Variants in BDKRB1 observed in about 807,000 individuals in gnomAD.
BDKRB1 encodes bradykinin receptor B1, also known as B1 bradykinin receptor.
For synonymous variants in BDKRB1, 192 were observed against 189.1 expected (o/e 1.02, Z -0.13); for missense variants, 414 against 441.4 (o/e 0.94, Z 0.56).
In BDKRB1 at chr14:96,263,844, G is replaced by A. The variant is rs1477568129; in HGVS notation, c.162G>A (p.Gly54=). The A allele has an allele frequency of 3.1e-6, 5 of 1,614,040 alleles. No individual in the cohort carries two copies. The highest frequency in any genetic ancestry group is 3.3e-5 in the Admixed American group (2 of 60,002). The change falls in exon 3 of 3, where the codon GGG becomes GGA. Residue 54 remains glycine (G), a synonymous_variant. Coordinates refer to ENST00000216629, the MANE Select transcript of BDKRB1 (RefSeq NM_000710.4). ...CCATCTGTTTCTTCGGCCTCCTAGG[G>A]AACCTTTTTGTCCTGTTGGTCTTCC... ...IISICFFGLL[G]NLFVLLVFLL...
At chr14:96,262,606 CTTTTT>C (rs34474132) in intron 1 of BDKRB1, 41 bp from the exon 2 acceptor site, 341 of 310,614 alleles carry the variant, frequency 1.1e-3, no homozygotes, top group Middle Eastern at 2.1e-3. Context: ...TCTCTCTCTC[CTTTTT>C]TTTTTTTTTT....
intron 1 of BDKRB1, 140 bp from the exon 2 acceptor site, chr14:96,262,512 C>A (rs755267033): frequency 1.6e-5 from 6 of 364,398 alleles, no homozygotes; most frequent in Admixed American, 3.7e-5. Context: ...GCCTGGAACA[C>A]AGACCATTAA....
chr14:96,264,231 T>C lies in BDKRB1; in HGVS notation c.549T>C (p.Asp183=). The stretch of plus-strand genomic sequence containing the variant: ...TGCGATCCATCCAAGCCGTCCCAGA[T>C]CTGAACATCACCGCCTGCATCCTGC... The part of the protein sequence containing the change: ...FLLRSIQAVP[D]LNITACILLL... Residue 183 remains aspartate, a synonymous_variant, in exon 3 of 3, where the codon GAT becomes GAC. Transcript: ENST00000216629. The C allele has an allele frequency of 6.2e-7, 1 of 1,614,170 alleles. No homozygotes were observed. Among genetic ancestry groups the C allele is most frequent in the Non-Finnish European group, 8.5e-7 (1 of 1,180,008 alleles).
intron 1 of BDKRB1, among the ~76,000 whole-genome samples, chr14:96,260,461 A>G (rs948848782): frequency 2.6e-5 from 4 of 152,246 alleles, no homozygotes; most frequent in Admixed American, 2.6e-4. Flanking sequence ...CTGCTCATCA[A>G]CAACTTCCTT....
At chr14:96,259,551 A>G (rs759806514) in intron 1 of BDKRB1, 1 of 152,578 alleles carries the variant, frequency 6.6e-6, no homozygotes, top group Non-Finnish European at 1.5e-5. Flanking sequence ...ATTTAGTAGG[A>G]ATATTATTGT....
chr14:96,260,738 GA>G (rs1885730199), intron 1 of BDKRB1, among the ~76,000 whole-genome samples: 1 of 152,050 alleles, frequency 6.6e-6, no homozygotes, highest in South Asian at 2.1e-4. Flanking sequence ...GTCTCCTGTT[GA>G]TCTGTCAACC....
chr14:96,257,435 A>G (rs1885641770), intron 1 of BDKRB1, among the ~76,000 whole-genome samples: 1 of 152,224 alleles, frequency 6.6e-6, no homozygotes, highest in Non-Finnish European at 1.5e-5. Flanking sequence ...AAGTCAAGAT[A>G]TTGGCTTGGC....
chr14:96,261,086 C>T (rs2139814120), intron 1 of BDKRB1, among the ~76,000 whole-genome samples: 1 of 152,230 alleles, frequency 6.6e-6, no homozygotes, highest in Middle Eastern at 3.4e-3. Context: ...TTGGCATTGT[C>T]CGATTTCTCC....
intron 2 of BDKRB1, 51 bp from the exon 3 acceptor site, chr14:96,263,622 T>G (rs1885808023): frequency 6.6e-7 from 1 of 1,518,974 alleles, no homozygotes; most frequent in African/African-American, 1.4e-5. Flanking sequence ...GTTTGGCTCA[T>G]AGGCTGTAGT....
At chr14:96,261,858 CG>C (rs1463372037) in intron 1 of BDKRB1, among the ~76,000 whole-genome samples, 1 of 152,202 alleles carries the variant, frequency 6.6e-6, no homozygotes. Context: ...TGGCTGTGGC[CG>C]GTTTTGCCAG....
chr14:96,264,279 C>T lies in BDKRB1; in HGVS notation c.597C>T (p.His199=). The change falls in exon 3 of 3, where the codon CAC becomes CAT. Residue 199 remains histidine, a synonymous_variant. Coordinates refer to ENST00000216629, the MANE Select transcript of BDKRB1 (RefSeq NM_000710.4). ...CILLLPHEAW[H]FARIVELNIL... is the part of the protein sequence containing the mutation. ...TGCTCCTCCCCCATGAGGCCTGGCA[C>T]TTTGCAAGGATTGTGGAGTTAAATA... 6.2e-7 allele frequency: 1 copy of T among 1,614,214 alleles called. No individual in the cohort carries two copies. Among genetic ancestry groups the T allele is most frequent in the Non-Finnish European group, 8.5e-7 (1 of 1,180,040 alleles).
intron 1 of BDKRB1, among the ~76,000 whole-genome samples, chr14:96,257,055 C>G (rs1343609523): frequency 6.6e-6 from 1 of 152,214 alleles, no homozygotes; most frequent in Non-Finnish European, 1.5e-5. Context: ...AATATCAGAG[C>G]TAAAGCTGAA....
At chr14:96,263,459 G>A (rs1211597087) in intron 2 of BDKRB1, among the ~76,000 whole-genome samples, 1 of 152,176 alleles carries the variant, frequency 6.6e-6, no homozygotes, top group Non-Finnish European at 1.5e-5. Flanking sequence ...AGGAACAGAT[G>A]GTAAATATCT....
intron 1 of BDKRB1, chr14:96,259,519 T>C (rs1020463504): frequency 2.1e-4 from 32 of 152,392 alleles, no homozygotes; most frequent in African/African-American, 7.2e-4. Flanking sequence ...TCCAATCACA[T>C]TTCTGTTTCA....
intron 1 of BDKRB1, among the ~76,000 whole-genome samples, chr14:96,257,679 C>T (rs923979291): frequency 6.6e-6 from 1 of 152,170 alleles, no homozygotes; most frequent in Non-Finnish European, 1.5e-5. Flanking sequence ...CCGGGGAATT[C>T]TACAGATTCC....
chr14:96,261,290 A>G (rs950927422), intron 1 of BDKRB1, among the ~76,000 whole-genome samples: 1 of 152,244 alleles, frequency 6.6e-6, no homozygotes, highest in East Asian at 1.9e-4. Flanking sequence ...CACTGAGAGC[A>G]GGGATTTTTG....
chr14:96,264,556 C>T lies in BDKRB1; in HGVS notation c.874C>T (p.Leu292=), dbSNP rs115980193. Reference sequence around the variant, plus strand: ...CTGCTTTTGGGAGGACTTCATTGACCTGGGCCTGCAATTGGCCAACTTCTT... The same window carrying T: ...CTGCTTTTGGGAGGACTTCATTGACTTGGGCCTGCAATTGGCCAACTTCTT... ...RGCFWEDFID[L]GLQLANFFAF... Residue 292 remains leucine, a synonymous_variant, in exon 3 of 3, where the codon CTG becomes TTG. Coordinates refer to ENST00000216629, the MANE Select transcript of BDKRB1 (RefSeq NM_000710.4). The T allele has an allele frequency of 7.2e-4, 1,167 of 1,614,142 alleles. 10 individuals carry two copies. The African/African-American group carries it at 0.013, about 18-fold the overall frequency.
intron 1 of BDKRB1, among the ~76,000 whole-genome samples, chr14:96,258,105 G>T (rs920463382): frequency 6.6e-6 from 1 of 152,126 alleles, no homozygotes; most frequent in African/African-American, 2.4e-5. Context: ...TTTCAAAAAA[G>T]TCTTTAAATA....
At chr14:96,257,977 T>C (rs903934583) in intron 1 of BDKRB1, among the ~76,000 whole-genome samples, 26 of 101,524 alleles carry the variant, frequency 2.6e-4, no homozygotes, top group Non-Finnish European at 1.0e-4. Flanking sequence ...GGAAGGAGGG[T>C]AGGGAGGGAA....
Sources: gnomAD v4.1 joint callset for allele counts (sites outside exome capture counted in the v4.1 genomes callset) on GRCh38, gnomAD v4.1.1 for gene constraint, MANE v1.5 for transcripts, NCBI Gene and HGNC (gene_info 2026-07-23, HGNC 2026-07-21) for gene names.